DLGAP1: variants seen among roughly 807,000 people sequenced by gnomAD.
The protein encoded by DLGAP1 is disks large-associated protein 1.
In DLGAP1, 11 loss-of-function variants were observed where a neutral mutation model predicts 90.8. The observed-to-expected ratio is 0.12, with a 90% CI of 0.08 to 0.20. The LOEUF is 0.20. Among genes scored for constraint, DLGAP1 ranks in the 10% least tolerant of loss-of-function variants. DLGAP1 has a pLI of 1.00. For missense variants in DLGAP1, 1,050 were observed against 1,333.8 expected, an observed-to-expected ratio of 0.79 and a Z score of 3.31; for synonymous variants, 558 against 540.7, an observed-to-expected ratio of 1.03 and a Z score of -0.44.
At chr18:4,314,589 T>A (rs1424777046) in intron 1 of DLGAP1, among the ~76,000 whole-genome samples, 1 of 152,206 alleles carries the variant, frequency 6.6e-6, no homozygotes, top group Admixed American at 6.5e-5. Context: ...CATGTATCTC[T>A]CTAAAATATG....
chr18:4,411,461 A>C (rs1378407052), intron 1 of DLGAP1, among the ~76,000 whole-genome samples: 1 of 152,208 alleles, frequency 6.6e-6, no homozygotes, highest in Non-Finnish European at 1.5e-5. Flanking sequence ...CGGGCAGAGA[A>C]AGTCAATGAA....
At chr18:4,446,858 T>C (rs1302113412) in intron 1 of DLGAP1, among the ~76,000 whole-genome samples, 1 of 151,866 alleles carries the variant, frequency 6.6e-6, no homozygotes, top group Non-Finnish European at 1.5e-5. Context: ...CAAAAAGAAG[T>C]AGGAGAGTGG....
At chr18:4,279,356 T>A (rs533958967) in intron 1 of DLGAP1, among the ~76,000 whole-genome samples, 1 of 152,124 alleles carries the variant, frequency 6.6e-6, no homozygotes, top group Non-Finnish European at 1.5e-5. Context: ...TTGGCTAATA[T>A]CTCTTGCCTT....
At position 4,134,904 on chromosome 18, in the gene DLGAP1, C is replaced by T. The variant is rs931417140; in HGVS notation, c.-159+16276G>A. On this transcript the variant is annotated intron_variant, in intron 2 of 12. Transcript: ENST00000315677. ...TTCCTAGAGAGGAAAAGCAGCCCAG[C>T]TGTTCTACAGTGGATCTTCCAAGAA... 3.3e-5 allele frequency among the ~76,000 whole-genome samples: 5 copies of T among 152,154 alleles called. No individual in the cohort carries two copies. In the East Asian group the frequency reaches 7.7e-4, roughly 24 times the overall value.
rs1008256728 is a variant in DLGAP1, at chr18:3,660,360, G to A, written c.1591+68775C>T. Among the ~76,000 whole-genome samples, 1 of 152,116 alleles carries A rather than the reference G, an allele frequency of 6.6e-6. No homozygotes were observed. Among genetic ancestry groups the A allele is most frequent in the Non-Finnish European group, 1.5e-5 (1 of 68,014 alleles). On this transcript the variant is annotated intron_variant, in intron 7 of 12. Transcript: ENST00000315677. This position sits in a 1 kb window ranked among gnomAD's most constrained non-coding sequence, Gnocchi z 4.2. ...TTTCACTGTTTGCAGTTATCTCATT[G>A]ATTTCACATCTGCGTCCTTGTTTAC...
At chr18:4,032,316 A>G (rs1244005686) in intron 2 of DLGAP1, among the ~76,000 whole-genome samples, 1 of 152,210 alleles carries the variant, frequency 6.6e-6, no homozygotes, top group African/African-American at 2.4e-5. Context: ...AAAGGGTCTG[A>G]AAATCTCTGT....
At chr18:3,681,048 G>A (rs1354137663) in intron 7 of DLGAP1, among the ~76,000 whole-genome samples, 1 of 152,144 alleles carries the variant, frequency 6.6e-6, no homozygotes, top group Non-Finnish European at 1.5e-5. Context: ...AGATAATTGT[G>A]CTGAGAAATC....
In DLGAP1 at chr18:3,565,429, C is replaced by T. The variant is rs576197897; in HGVS notation, c.2057+2061G>A. On this transcript the variant is annotated intron_variant, in intron 9 of 12. Coordinates refer to ENST00000315677, the MANE Select transcript of DLGAP1 (RefSeq NM_004746.4). The surrounding 1 kb of genome is among the most constrained non-coding windows in gnomAD (Gnocchi z 4.0). ...CCTCCCAGACTGCTGGGATTACAGG[C>T]GTGAGCCATTGCCCATGTCCAGGAA... Among the ~76,000 whole-genome samples, 353 of 152,064 alleles carry T rather than the reference C, an allele frequency of 2.3e-3. 1 individual carries two copies. Among genetic ancestry groups the T allele is most frequent in the African/African-American group, 8.2e-3 (340 of 41,522 alleles).
chr18:3,599,534 C>G (rs751248534), intron 7 of DLGAP1, among the ~76,000 whole-genome samples: 1 of 152,212 alleles, frequency 6.6e-6, no homozygotes, highest in Non-Finnish European at 1.5e-5. Flanking sequence ...ACTAAGCCCA[C>G]CTGTGGAGGG....
chr18:4,387,099 AC>A (rs2082244578), intron 1 of DLGAP1, among the ~76,000 whole-genome samples: 1 of 152,128 alleles, frequency 6.6e-6, no homozygotes, highest in Admixed American at 6.5e-5. Flanking sequence ...AAATACCTAA[AC>A]CCTCATTGGA....
At chr18:3,601,013 G>GAT in intron 7 of DLGAP1, among the ~76,000 whole-genome samples, 1 of 132,138 alleles carries the variant, frequency 7.6e-6, no homozygotes, top group South Asian at 2.2e-4. Context: ...GATATAGATA[G>GAT]ATATATAGAT....
intron 1 of DLGAP1, among the ~76,000 whole-genome samples, chr18:4,287,959 C>G (rs1351372602): frequency 6.6e-6 from 1 of 151,934 alleles, no homozygotes; most frequent in East Asian, 1.9e-4. Flanking sequence ...ATACATGTCA[C>G]CTTGGGGTAC....
chr18:3,837,076 T>G (rs1285095998), intron 4 of DLGAP1, among the ~76,000 whole-genome samples: 1 of 152,228 alleles, frequency 6.6e-6, no homozygotes, highest in Admixed American at 6.5e-5. Flanking sequence ...TAAAGAAGTT[T>G]GTTAAGAAAA....
At chr18:3,981,701 T>C (rs1561827) in intron 3 of DLGAP1, among the ~76,000 whole-genome samples, 66,763 of 152,038 alleles carry the variant, frequency 0.44, 14,842 homozygotes, top group African/African-American at 0.46. Context: ...TGGGACAAAA[T>C]GCTTGAGATT....
intron 6 of DLGAP1, among the ~76,000 whole-genome samples, chr18:3,741,021 C>G (rs1277502298): frequency 1.3e-5 from 1 of 79,670 alleles, no homozygotes; most frequent in Non-Finnish European, 2.5e-5. Flanking sequence ...CCACCATCAC[C>G]ACCACCACCA....
chr18:3,969,159 T>A (rs1009358101), intron 3 of DLGAP1, among the ~76,000 whole-genome samples: 1 of 152,218 alleles, frequency 6.6e-6, no homozygotes, highest in Non-Finnish European at 1.5e-5. Context: ...AATTTGAAGA[T>A]TGAAGTAGTT....
At chr18:3,705,721 C>T (rs978317766) in intron 7 of DLGAP1, among the ~76,000 whole-genome samples, 1 of 151,354 alleles carries the variant, frequency 6.6e-6, no homozygotes, top group Non-Finnish European at 1.5e-5. Flanking sequence ...TGCAGTGGCT[C>T]GATCTCGGCT....
chr18:4,231,676 C>A (rs1349261642), intron 1 of DLGAP1, among the ~76,000 whole-genome samples: 1 of 152,100 alleles, frequency 6.6e-6, no homozygotes, highest in Non-Finnish European at 1.5e-5. Flanking sequence ...CCCATATCCT[C>A]TATTTCTTTC....
intron 4 of DLGAP1, among the ~76,000 whole-genome samples, chr18:3,852,645 CT>C (rs764817334): frequency 4.6e-5 from 7 of 152,090 alleles, no homozygotes; most frequent in Non-Finnish European, 1.0e-4. Flanking sequence ...TATATATACC[CT>C]TTAAGAATTT....
Sources: allele counts gnomAD v4.1 joint callset (sites outside exome capture counted in the v4.1 genomes callset), GRCh38; gene constraint gnomAD v4.1.1; non-coding constraint Gnocchi (gnomAD v3.1); transcripts MANE v1.5; gene names NCBI Gene and HGNC (gene_info 2026-07-23, HGNC 2026-07-21).